The following SCAP variants were observed in gnomAD, a reference collection of about 807,000 sequenced individuals.
The protein encoded by SCAP is sterol regulatory element-binding protein cleavage-activating protein.
In SCAP, 65 loss-of-function variants were observed where a neutral mutation model predicts 123.6. That is an observed-to-expected ratio of 0.53 (90% confidence interval 0.43 to 0.65). The LOEUF is 0.65. Among genes scored for constraint, SCAP ranks in the 30% least tolerant of loss-of-function variants. The pLI, the probability that SCAP is intolerant of heterozygous loss-of-function variation, is 0.00. For missense variants in SCAP, 1,398 were observed against 1,712.5 expected (o/e 0.82, Z 3.24); for synonymous variants, 740 against 726.3 (o/e 1.02, Z -0.30).
At chr3:47,472,132 T>A (rs573389217) in intron 1 of SCAP, among the ~76,000 whole-genome samples, 72 of 148,940 alleles carry the variant, frequency 4.8e-4, no homozygotes, top group Middle Eastern at 3.9e-3. Flanking sequence ...CTCAAAAAAA[T>A]AATAATAATA....
rs35011639 is a variant in SCAP at position 47,437,422 on chromosome 3, CAAA to C, written c.123-2288_123-2286del. Among the ~76,000 whole-genome samples the C allele has an allele frequency of 2.2e-4, 14 of 63,196 alleles. 1 individual carries two copies. Among genetic ancestry groups the C allele is most frequent in the Admixed American group, 8.3e-4 (4 of 4,836 alleles). 41.5% of individuals were successfully genotyped at this position (63,196 alleles called of 152,430 possible). Reference sequence around the variant, plus strand: ...GGGCAACAAGAGTGAAACTCAATCTCAAAAAAAAAAAAAAAAAAAAAAAGGAGA... The same window carrying C: ...GGGCAACAAGAGTGAAACTCAATCTCAAAAAAAAAAAAAAAAAAAAGGAGA... On this transcript the variant is annotated intron_variant, in intron 2 of 22. Transcript: ENST00000265565.
rs1185071048 is a variant in SCAP at position 47,439,425 on chromosome 3, C to T, written c.122+3447G>A. On this transcript the variant is annotated intron_variant, in intron 2 of 22. Transcript: ENST00000265565. This position sits in a 1 kb window ranked among gnomAD's most constrained non-coding sequence, Gnocchi z 4.0. ...CCCCGTCTCAAAATCAAAAACAACACAATGTGATTCCAATTTCCTCTCCAA... is the reference window on the plus strand; with the variant it reads ...CCCCGTCTCAAAATCAAAAACAACATAATGTGATTCCAATTTCCTCTCCAA... 6.6e-6 allele frequency among the ~76,000 whole-genome samples: 1 copy of T among 152,116 alleles called. No homozygotes were observed. Among genetic ancestry groups the T allele is most frequent in the Non-Finnish European group, 1.5e-5 (1 of 68,020 alleles).
intron 3 of SCAP, among the ~76,000 whole-genome samples, chr3:47,434,072 C>A (rs547767949): frequency 1.3e-5 from 2 of 152,340 alleles, no homozygotes; most frequent in African/African-American, 4.8e-5. Flanking sequence ...GCACTCCCCA[C>A]TGACACCATG....
rs2107772451 is a variant in SCAP at position 47,418,232 on chromosome 3, G to T, written c.2349C>A (p.Ala783=). 6.4e-7 allele frequency: 1 copy of T among 1,568,786 alleles called. No homozygotes were observed. Among genetic ancestry groups the T allele is most frequent in the African/African-American group, 1.4e-5 (1 of 73,908 alleles). The change falls in exon 16 of 23, where the codon GCC becomes GCA. Residue 783 remains alanine, a synonymous_variant. Coordinates refer to ENST00000265565, the MANE Select transcript of SCAP (RefSeq NM_012235.4). ...RGHLMDIECL[A]SDGMLLVSCC... Reference sequence around the variant, plus strand: ...AGCTCACCAGCAGCATGCCGTCGCTGGCCAGGCACTCGATGTCCTGCAGAA... The same window carrying T: ...AGCTCACCAGCAGCATGCCGTCGCTTGCCAGGCACTCGATGTCCTGCAGAA...
At position 47,417,829 on chromosome 3, in the gene SCAP, G is replaced by A. The variant is rs774293567; in HGVS notation, c.2448-3C>T. ...CGCCACTGTCCCGGCGCTGCCTGCTGGGGGCCAGGAGGGCGGAGTGAGAGG... is the reference window on the plus strand; with the variant it reads ...CGCCACTGTCCCGGCGCTGCCTGCTAGGGGCCAGGAGGGCGGAGTGAGAGG... On this transcript the variant is annotated splice_polypyrimidine_tract_variant and splice_region_variant and intron_variant, in intron 16 of 22. Coordinates refer to ENST00000265565, the MANE Select transcript of SCAP (RefSeq NM_012235.4). 7.1e-6 allele frequency: 11 copies of A among 1,548,450 alleles called. No homozygotes were observed. In the South Asian group the frequency reaches 1.0e-4, roughly 14 times the overall value.
intron 6 of SCAP, 64 bp from the exon 7 acceptor site, chr3:47,426,233 TC>T: frequency 1.3e-6 from 2 of 1,516,112 alleles, no homozygotes. Context: ...ACAAAGACAA[TC>T]CCCGGACAGA....
chr3:47,466,002 A>G (rs1707812097), intron 1 of SCAP, among the ~76,000 whole-genome samples: 1 of 151,898 alleles, frequency 6.6e-6, no homozygotes, highest in Non-Finnish European at 1.5e-5. Flanking sequence ...GCGTGGTGGC[A>G]GGTGCCTGTA....
intron 1 of SCAP, among the ~76,000 whole-genome samples, chr3:47,446,822 T>C (rs1424839336): frequency 6.6e-6 from 1 of 151,724 alleles, no homozygotes; most frequent in South Asian, 2.1e-4. Context: ...CACATGCCTG[T>C]AGTCCTAGCT....
intron 1 of SCAP, among the ~76,000 whole-genome samples, chr3:47,455,248 A>G (rs919747568): frequency 5.3e-5 from 8 of 151,786 alleles, no homozygotes; most frequent in African/African-American, 1.9e-4. Flanking sequence ...ACACTAAAAT[A>G]AATAACAAAA....
At chr3:47,422,035 G>A (rs916949657) in intron 10 of SCAP, among the ~76,000 whole-genome samples, 2 of 152,278 alleles carry the variant, frequency 1.3e-5, no homozygotes, top group African/African-American at 2.4e-5. Flanking sequence ...GAGGAGACCG[G>A]AGGAAGGGTC....
intron 9 of SCAP, among the ~76,000 whole-genome samples, chr3:47,423,515 T>C (rs1240338299): frequency 6.6e-6 from 1 of 152,214 alleles, no homozygotes; most frequent in African/African-American, 2.4e-5. Flanking sequence ...CACCTCAGCC[T>C]CTTGAGTAGG....
chr3:47,454,923 A>T (rs981431891), intron 1 of SCAP, among the ~76,000 whole-genome samples: 5 of 151,690 alleles, frequency 3.3e-5, no homozygotes, highest in African/African-American at 1.2e-4. Flanking sequence ...ATTATTTATT[A>T]CTATTGTGGA....
intron 1 of SCAP, among the ~76,000 whole-genome samples, chr3:47,448,469 CTCTT>C (rs1194901233): frequency 6.6e-6 from 1 of 151,966 alleles, no homozygotes; most frequent in African/African-American, 2.4e-5. Flanking sequence ...TTCTGCACCA[CTCTT>C]TCTCCTCTCT....
In SCAP at chr3:47,465,305, G is replaced by A. The variant is rs187575138; in HGVS notation, c.-99+10494C>T. Among the ~76,000 whole-genome samples the A allele has an allele frequency of 2.0e-5, 3 of 152,020 alleles. No homozygotes were observed. In the East Asian group the frequency reaches 5.8e-4, roughly 29 times the overall value. On this transcript the variant is annotated intron_variant, in intron 1 of 22. Coordinates refer to ENST00000265565, the MANE Select transcript of SCAP (RefSeq NM_012235.4). ...CCTGTATCAGCCTCCTGAGTAACTG[G>A]GATTACAGGTGTATGCCACCACACC... is the stretch of plus-strand genomic sequence containing the variant.
At chr3:47,443,122 A>C in intron 1 of SCAP, 31 bp from the exon 2 acceptor site, 5 of 1,494,130 alleles carry the variant, frequency 3.3e-6, no homozygotes, top group Non-Finnish European at 4.5e-6. Context: ...CCAGTTAACA[A>C]AGAGTACTTG....
At chr3:47,432,584 G>A (rs1005301871) in intron 3 of SCAP, among the ~76,000 whole-genome samples, 3 of 152,146 alleles carry the variant, frequency 2.0e-5, no homozygotes, top group Admixed American at 1.3e-4. Flanking sequence ...AGTCGAGTAG[G>A]GAAGGAAGTT....
At chr3:47,467,978 T>C (rs952381504) in intron 1 of SCAP, among the ~76,000 whole-genome samples, 2 of 152,046 alleles carry the variant, frequency 1.3e-5, no homozygotes, top group African/African-American at 4.8e-5. Context: ...TGTTTGGTTT[T>C]CTGTCCTTGC....
chr3:47,427,758 A>G, intron 4 of SCAP, 91 bp from the exon 5 acceptor site: 1 of 1,130,060 alleles, frequency 8.8e-7, no homozygotes, highest in Non-Finnish European at 1.3e-6. Flanking sequence ...CTGTTCTTCA[A>G]TGCCCCATAT....
chr3:47,420,971 A>C lies in SCAP; in HGVS notation c.1304T>G (p.Phe435Cys). Residue 435 changes from phenylalanine to cysteine, a missense_variant, in exon 11 of 23, where the codon TTT becomes TGT. Physicochemically the swap from Phe to Cys is radical, Grantham distance 205. Around this residue, in one of 7 missense-constraint regions of SCAP, gnomAD observed 66 missense variants for 116.3 expected, o/e 0.57. Coordinates refer to ENST00000265565, the MANE Select transcript of SCAP (RefSeq NM_012235.4). The surrounding 1 kb of genome is among the most constrained non-coding windows in gnomAD (Gnocchi z 5.0). The stretch of plus-strand genomic sequence containing the variant: ...GTCAATGGACAGGACAGTGGTGAAA[A>C]ACAGCATCTGAAGGAAGAAGTCAGA... Reference protein sequence around the residue: ...LVSDFFLQMLFFTTVLSIDIR... With the variant: ...LVSDFFLQMLCFTTVLSIDIR... 1 of 1,613,974 alleles carries C rather than the reference A, an allele frequency of 6.2e-7. No homozygotes were observed. The highest frequency in any genetic ancestry group is 8.5e-7 in the Non-Finnish European group (1 of 1,180,008).
Sources: allele counts gnomAD v4.1 joint callset (sites outside exome capture counted in the v4.1 genomes callset), GRCh38; gene constraint gnomAD v4.1.1; regional missense constraint gnomAD v4.1.1; non-coding constraint Gnocchi (gnomAD v3.1); transcripts MANE v1.5; gene names NCBI Gene and HGNC (gene_info 2026-07-23, HGNC 2026-07-21).